Variants in NCOA7 observed in about 807,000 individuals in gnomAD.
The protein encoded by NCOA7 is nuclear receptor coactivator 7.
A neutral mutation model predicts 104.3 loss-of-function variants in NCOA7; 45 were observed. The observed-to-expected ratio is 0.43, with a 90% CI of 0.34 to 0.55. The LOEUF (loss-of-function observed/expected upper bound fraction) is 0.55, where lower values mean the gene tolerates loss of function less well. NCOA7 is among the 20% of genes least tolerant of loss of function. The pLI is 0.02. For synonymous variants in NCOA7, 398 were observed against 402.3 expected, an observed-to-expected ratio of 0.99 and a Z score of 0.13; for missense variants, 1,041 against 1,119.7, an observed-to-expected ratio of 0.93 and a Z score of 1.00.
At chr6:125,822,316 G>A (rs1373349220) in intron 2 of NCOA7, among the ~76,000 whole-genome samples, 3 of 151,892 alleles carry the variant, frequency 2.0e-5, no homozygotes, top group Admixed American at 6.6e-5. Flanking sequence ...TTTAATATTT[G>A]GTCATTTTAT....
At chr6:125,855,583 T>C (rs541405328) in intron 3 of NCOA7, 1 of 160,122 alleles carries the variant, frequency 6.2e-6, no homozygotes, top group African/African-American at 2.4e-5. Context: ...CTGTACTTTT[T>C]GGCATTTGCT....
intron 5 of NCOA7, among the ~76,000 whole-genome samples, chr6:125,879,720 G>A (rs772127986): frequency 2.0e-5 from 3 of 152,000 alleles, no homozygotes; most frequent in South Asian, 2.1e-4. Flanking sequence ...ATATTTGGCC[G>A]GGCACAGTGG....
chr6:125,829,613 G>A (rs995103462), intron 2 of NCOA7, among the ~76,000 whole-genome samples: 4 of 152,100 alleles, frequency 2.6e-5, no homozygotes, highest in Non-Finnish European at 5.9e-5. Context: ...AACAACCTGC[G>A]GTGAAGTGGT....
chr6:125,860,094 T>G (rs190783810), intron 3 of NCOA7, among the ~76,000 whole-genome samples: 6 of 152,124 alleles, frequency 3.9e-5, no homozygotes, highest in Non-Finnish European at 8.8e-5. Context: ...CCTTCCAGAA[T>G]GAGTGAACTG....
chr6:125,792,768 A>G (rs1161420157), intron 1 of NCOA7, among the ~76,000 whole-genome samples: 1 of 149,858 alleles, frequency 6.7e-6, no homozygotes, highest in Non-Finnish European at 1.5e-5. Flanking sequence ...TTAAAATGTT[A>G]TATCATTTTG....
At chr6:125,882,361 AT>A in intron 6 of NCOA7, 64 bp from the exon 7 acceptor site, 1 of 1,547,272 alleles carries the variant, frequency 6.5e-7, no homozygotes, top group Non-Finnish European at 8.8e-7. Flanking sequence ...ATGGGGCTTG[AT>A]TTATACACAT....
intron 2 of NCOA7, among the ~76,000 whole-genome samples, chr6:125,819,208 A>T (rs1211360932): frequency 1.3e-5 from 2 of 152,072 alleles, no homozygotes; most frequent in Admixed American, 1.3e-4. Flanking sequence ...TGTGTTTGAT[A>T]AATAGTCCTT....
At chr6:125,902,368 G>A (rs960934170) in intron 10 of NCOA7, among the ~76,000 whole-genome samples, 6 of 152,160 alleles carry the variant, frequency 3.9e-5, no homozygotes, top group Non-Finnish European at 5.9e-5. Flanking sequence ...TGGAAGCTCA[G>A]AGAGGTTAAG....
At chr6:125,925,011 G>A (rs1787908318) in intron 13 of NCOA7, among the ~76,000 whole-genome samples, 1 of 152,172 alleles carries the variant, frequency 6.6e-6, no homozygotes, top group Non-Finnish European at 1.5e-5. Flanking sequence ...TCTACGGTAG[G>A]CATGGCAGGC....
intron 7 of NCOA7, among the ~76,000 whole-genome samples, chr6:125,884,165 A>G (rs1784076976): frequency 6.6e-6 from 1 of 152,210 alleles, no homozygotes; most frequent in South Asian, 2.1e-4. Context: ...AGGTTCATCC[A>G]TGTTATTGCA....
At position 125,912,651 on chromosome 6, in the gene NCOA7, G is replaced by A. The variant is rs7769844; in HGVS notation, c.2097-2682G>A. ...CATGATTTACAGCTGTGATGGCTTA[G>A]CATTTATATGGAGCATGTTCTGCTA... is the stretch of plus-strand genomic sequence containing the variant. On this transcript the variant is annotated intron_variant, in intron 10 of 15. Coordinates refer to ENST00000392477, the MANE Select transcript of NCOA7 (RefSeq NM_181782.5). 3.7e-3 allele frequency among the ~76,000 whole-genome samples: 559 copies of A among 152,254 alleles called. 3 individuals are homozygous for A. Among genetic ancestry groups the A allele is most frequent in the African/African-American group, 0.013 (536 of 41,536 alleles).
intron 1 of NCOA7, among the ~76,000 whole-genome samples, chr6:125,783,762 A>G (rs939402959): frequency 2.0e-5 from 3 of 152,186 alleles, no homozygotes; most frequent in African/African-American, 4.8e-5. Context: ...CTTCATGCAT[A>G]TATCTATTTT....
intron 2 of NCOA7, among the ~76,000 whole-genome samples, chr6:125,820,129 AC>A (rs2128578648): frequency 6.6e-6 from 1 of 152,112 alleles, no homozygotes; most frequent in Admixed American, 6.5e-5. Flanking sequence ...TTTCCTCTTA[AC>A]CCAGCCTTTC....
chr6:125,788,975 G>A (rs1354515152), upstream of NCOA7, among the ~76,000 whole-genome samples: 1 of 151,958 alleles, frequency 6.6e-6, no homozygotes, highest in Non-Finnish European at 1.5e-5. Context: ...AAACAACAGG[G>A]GCCTCTTGAT....
At chr6:125,832,609 C>T (rs1779281859) in intron 2 of NCOA7, among the ~76,000 whole-genome samples, 1 of 152,182 alleles carries the variant, frequency 6.6e-6, no homozygotes, top group African/African-American at 2.4e-5. Context: ...TTTAACTAGT[C>T]CCATTTGTCA....
chr6:125,866,163 C>A lies in NCOA7; in HGVS notation c.272-8726C>A, dbSNP rs1019881307. Among the ~76,000 whole-genome samples the A allele has an allele frequency of 1.4e-5, 2 of 138,012 alleles. 1 individual carries two copies. Among genetic ancestry groups the A allele is most frequent in the Admixed American group, 1.4e-4 (2 of 14,618 alleles). 90.5% of individuals were successfully genotyped at this position (138,012 alleles called of 152,430 possible). ...TGACCAACATGGAGAAACCCCGTCT[C>A]TACTAAGAATACAAAATTAGCTGGG... On this transcript the variant is annotated intron_variant, in intron 3 of 15. Transcript: ENST00000392477.
At chr6:125,872,855 T>G (rs888560623) in intron 3 of NCOA7, among the ~76,000 whole-genome samples, 1 of 152,220 alleles carries the variant, frequency 6.6e-6, no homozygotes, top group Non-Finnish European at 1.5e-5. Flanking sequence ...TAGGTGTGGT[T>G]GCCTGTAGGC....
intron 10 of NCOA7, among the ~76,000 whole-genome samples, chr6:125,914,096 T>C (rs140940335): frequency 2.5e-4 from 38 of 152,348 alleles, no homozygotes; most frequent in African/African-American, 9.1e-4. Context: ...GTAATCCCTT[T>C]TCTGGGAACT....
upstream of NCOA7, among the ~76,000 whole-genome samples, chr6:125,789,732 C>A (rs1015346445): frequency 6.6e-6 from 1 of 152,224 alleles, no homozygotes; most frequent in Non-Finnish European, 1.5e-5. Context: ...TGCTGAAATG[C>A]CAAAGCCACC....
Sources: allele counts gnomAD v4.1 joint callset (sites outside exome capture counted in the v4.1 genomes callset), GRCh38; gene constraint gnomAD v4.1.1; transcripts MANE v1.5; gene names NCBI Gene and HGNC (gene_info 2026-07-23, HGNC 2026-07-21).